Variants in CATSPER4 observed in about 807,000 individuals in gnomAD.
CATSPER4 encodes cation channel sperm-associated protein 4.
Under a neutral mutation model 54.4 loss-of-function variants are expected in CATSPER4, and 46 were observed. That is an observed-to-expected ratio of 0.84 (90% CI 0.67 to 1.08). The LOEUF (loss-of-function observed/expected upper bound fraction) is 1.08. Among genes scored for constraint, CATSPER4 ranks in the 50% least tolerant of loss-of-function variants. The probability of loss-of-function intolerance (pLI) is 0.00; values close to 1 mark genes in which losing one functional copy is unlikely to be tolerated. For missense variants in CATSPER4, 574 were observed against 612.8 expected, an observed-to-expected ratio of 0.94 and a Z score of 0.67; for synonymous variants, 230 against 231.9, an observed-to-expected ratio of 0.99 and a Z score of 0.08.
rs1394828903 is a variant in CATSPER4 at position 26,201,280 on chromosome 1, C to T, written c.1200-74C>T. 39 of 1,506,626 alleles carry T rather than the reference C, an allele frequency of 2.6e-5. No individual in the cohort carries two copies. In the South Asian group the frequency reaches 3.7e-4, roughly 14 times the overall value. 93.3% of individuals were successfully genotyped at this position (1,506,626 alleles called of 1,614,324 possible). ...GCGTGGGAGAGCGAAGCGGGGGTGACGCCAGGGAAGAGGTGGGAGGGCTGC... is the reference window on the plus strand; with the variant it reads ...GCGTGGGAGAGCGAAGCGGGGGTGATGCCAGGGAAGAGGTGGGAGGGCTGC... On this transcript the variant is annotated intron_variant, in intron 8 of 9. Transcript: ENST00000456354.
rs1389498712 is a variant in CATSPER4 at position 26,202,568 on chromosome 1, C to T, written c.*26C>T. On this transcript the variant is annotated 3_prime_UTR_variant, in exon 10 of 10. Coordinates refer to ENST00000456354, the MANE Select transcript of CATSPER4 (RefSeq NM_198137.2). ...GAGGCCAGGATGGGAGCCAAGGGGC[C>T]TGCACACACACACCCAGCCGCTGCG... 4.4e-6 allele frequency: 7 copies of T among 1,601,292 alleles called. No individual in the cohort carries two copies. The African/African-American group carries it at 5.4e-5, about 12-fold the overall frequency.
chr1:26,190,796 G>A lies in CATSPER4; in HGVS notation c.169G>A (p.Glu57Lys), dbSNP rs1182239908. The change falls in exon 1 of 10, where the codon GAG becomes AAG. Residue 57 changes from glutamate (E) to lysine (K), a missense_variant. Transcript: ENST00000456354. ...STIHESYGRP[E>K]EQVLINRQEI... ...CATTCACGAGTCCTACGGTCGGCCA[G>A]AGGAGCAAGTGCTCATCAACCGCCA... 5.6e-6 allele frequency: 9 copies of A among 1,612,952 alleles called. No individual in the cohort carries two copies. The highest frequency in any genetic ancestry group is 4.5e-5 in the East Asian group (2 of 44,878).
chr1:26,191,554 C>T, intron 2 of CATSPER4, 124 bp downstream of exon 2: 2 of 1,095,250 alleles, frequency 1.8e-6, no homozygotes, highest in Non-Finnish European at 2.7e-6. Flanking sequence ...AAGGGTCTGT[C>T]AGCTCTGACC....
chr1:26,198,165 G>A, intron 5 of CATSPER4, 88 bp downstream of exon 5: 1 of 1,613,622 alleles, frequency 6.2e-7, no homozygotes, highest in Non-Finnish European at 8.5e-7. Flanking sequence ...TGGAAAAGCA[G>A]AGAGGCCTGT....
chr1:26,197,599 T>G, intron 3 of CATSPER4, 87 bp from the exon 4 acceptor site: 1 of 900,828 alleles, frequency 1.1e-6, no homozygotes, highest in Non-Finnish European at 1.8e-6. Flanking sequence ...CATTGAGCCC[T>G]CATCCCTGGG....
Position 26,200,991 on chromosome 1 carries a change from A to G in CATSPER4, c.1149A>G (p.Ala383=). The change falls in exon 8 of 10, where the codon GCA becomes GCG. Residue 383 remains alanine, a synonymous_variant. Transcript: ENST00000456354. ...TCDNFCLVLE[A]IQENLRQYKE... ...ACAACTTTTGCTTGGTGCTTGAGGC[A>G]ATACAGGAGAACCTGAGGCAGTACA... 6.2e-7 allele frequency: 1 copy of G among 1,614,172 alleles called. No homozygotes were observed.
At chr1:26,201,232 C>T (rs1328670388) in intron 8 of CATSPER4, 122 bp from the exon 9 acceptor site, 10 of 1,124,140 alleles carry the variant, frequency 8.9e-6, no homozygotes, top group South Asian at 6.7e-5. Context: ...GGGCACAGCT[C>T]GGCCTGGGTC....
chr1:26,199,718 G>A (rs559568231), intron 6 of CATSPER4, among the ~76,000 whole-genome samples, 166 bp from the exon 7 acceptor site: 4 of 152,332 alleles, frequency 2.6e-5, no homozygotes, highest in Non-Finnish European at 4.4e-5. Context: ...TAGGTGCTTA[G>A]TAGAGAGCAG....
At chr1:26,202,398 G>A in intron 9 of CATSPER4, 91 bp from the exon 10 acceptor site, 2 of 1,161,266 alleles carry the variant, frequency 1.7e-6, no homozygotes, top group Non-Finnish European at 2.5e-6. Flanking sequence ...AGGCCTGGCT[G>A]GGGAAGCTGG....
chr1:26,201,604 A>G, intron 9 of CATSPER4, 85 bp downstream of exon 9: 1 of 1,375,682 alleles, frequency 7.3e-7, no homozygotes, highest in Non-Finnish European at 1.0e-6. Flanking sequence ...ACCATTTGTC[A>G]AAGTTTCTGT....
intron 3 of CATSPER4, 25 bp downstream of exon 3, chr1:26,193,913 T>TA (rs773892215): frequency 5.2e-6 from 8 of 1,540,824 alleles, no homozygotes; most frequent in Non-Finnish European, 6.3e-6. Flanking sequence ...CCTTTGCCCC[T>TA]ACTTCCCCCT....
At chr1:26,194,726 C>T (rs534958844) in intron 3 of CATSPER4, among the ~76,000 whole-genome samples, 8 of 152,134 alleles carry the variant, frequency 5.3e-5, no homozygotes, top group Admixed American at 2.6e-4. Flanking sequence ...AGACTCAGTA[C>T]GAGAGGCCAG....
chr1:26,200,782 C>A (rs776837441), intron 7 of CATSPER4, 48 bp from the exon 8 acceptor site: 3 of 1,462,924 alleles, frequency 2.1e-6, no homozygotes, highest in Non-Finnish European at 2.9e-6. Context: ...GTGCCGGGGG[C>A]GTGCCTGCCT....
chr1:26,199,898 A>C lies in CATSPER4; in HGVS notation c.827A>C (p.Glu276Ala), dbSNP rs1406698103. Reference sequence around the variant, plus strand: ...GCCATCTGCAGGACAGAGAAGAGGGAATATGCAATGGAGATTGGGGGTGCC... The same window carrying C: ...GCCATCTGCAGGACAGAGAAGAGGGCATATGCAATGGAGATTGGGGGTGCC... ...IYSDFQTEKR[E>A]YAMEIGGAIY... The change falls in exon 7 of 10, where the codon GAA (glutamate) becomes GCA (alanine). Residue 276 changes from glutamate to alanine, a missense_variant. By Grantham distance (107) the Glu-to-Ala change is moderately radical. Coordinates refer to ENST00000456354, the MANE Select transcript of CATSPER4 (RefSeq NM_198137.2). 2 of 1,614,012 alleles carry C rather than the reference A, an allele frequency of 1.2e-6. No individual in the cohort carries two copies. The highest frequency in any genetic ancestry group is 3.3e-5 in the Admixed American group (2 of 59,992).
At chr1:26,197,665 T>C (rs1479597179) in intron 3 of CATSPER4, 21 bp from the exon 4 acceptor site, 3 of 1,591,578 alleles carry the variant, frequency 1.9e-6, no homozygotes, top group South Asian at 1.1e-5. Context: ...CAGACCCCAC[T>C]GGGGCTGGCC....
intron 3 of CATSPER4, 106 bp downstream of exon 3, chr1:26,193,994 G>A: frequency 1.2e-6 from 1 of 806,448 alleles, no homozygotes; most frequent in East Asian, 2.4e-5. Context: ...GTATGTGTGT[G>A]TGTGTAGACA....
Position 26,198,047 on chromosome 1 carries a change from T to C in CATSPER4, c.648T>C (p.Asn216=). The C allele has an allele frequency of 6.2e-7, 1 of 1,614,008 alleles. No homozygotes were observed. The highest frequency in any genetic ancestry group is 8.5e-7 in the Non-Finnish European group (1 of 1,179,884). The change falls in exon 5 of 10, where the codon AAT becomes AAC. Residue 216 remains asparagine, a synonymous_variant. Transcript: ENST00000456354. ...TGCAGTCGGTGCCTGACATGGCCAATATCATGGTCCTCATCCTCTTCTTCA... is the reference window on the plus strand; with the variant it reads ...TGCAGTCGGTGCCTGACATGGCCAACATCATGGTCCTCATCCTCTTCTTCA... ...VILQSVPDMA[N]IMVLILFFML... is the part of the protein sequence containing the mutation.
In CATSPER4 at chr1:26,200,961, G is replaced by A. The variant is rs779029904; in HGVS notation, c.1119G>A (p.Thr373=). The A allele has an allele frequency of 4.3e-6, 7 of 1,613,988 alleles. No individual in the cohort carries two copies. In the Admixed American group the frequency reaches 5.0e-5, roughly 12 times the overall value. ...CCCTGTCGAACCTCTCAGAAAACAC[G>A]TGTGACAACTTTTGCTTGGTGCTTG... ...GGPLSNLSEN[T]CDNFCLVLEA... is the part of the protein sequence containing the mutation. The change falls in exon 8 of 10, where the codon ACG becomes ACA. Residue 373 remains threonine, a synonymous_variant. Transcript: ENST00000456354.
chr1:26,202,040 G>C (rs1055993022), intron 9 of CATSPER4, among the ~76,000 whole-genome samples: 8 of 152,146 alleles, frequency 5.3e-5, no homozygotes, highest in Non-Finnish European at 4.4e-5. Context: ...TATCTGGTTA[G>C]GTTCTGCACT....
Sources: allele counts gnomAD v4.1 joint callset (sites outside exome capture counted in the v4.1 genomes callset), GRCh38; gene constraint gnomAD v4.1.1; transcripts MANE v1.5; gene names NCBI Gene and HGNC (gene_info 2026-07-23, HGNC 2026-07-21).